The following ADCY1 variants were observed in gnomAD, a reference collection of about 807,000 sequenced individuals.
ADCY1 encodes adenylate cyclase type 1.
In ADCY1, 28 loss-of-function variants were observed where a neutral mutation model predicts 105.4. That is an observed-to-expected ratio of 0.27 (90% confidence interval 0.20 to 0.36). The LOEUF (loss-of-function observed/expected upper bound fraction) is 0.36, where lower values mean the gene tolerates loss of function less well. Among genes scored for constraint, ADCY1 ranks in the 10% least tolerant of loss-of-function variants. ADCY1 has a pLI of 1.00. For missense variants in ADCY1, 977 were observed against 1,434.2 expected (o/e 0.68, Z 5.15); for synonymous variants, 655 against 623.8 (o/e 1.05, Z -0.75).
chr7:45,598,268 A>T (rs181988925), intron 2 of ADCY1, among the ~76,000 whole-genome samples: 4 of 152,360 alleles, frequency 2.6e-5, no homozygotes, highest in Admixed American at 2.6e-4. Flanking sequence ...CAAGGGAACC[A>T]CATGGCTGTT....
chr7:45,686,939 G>A lies in ADCY1; in HGVS notation c.2454+266G>A, dbSNP rs544766238. 2.0e-5 allele frequency among the ~76,000 whole-genome samples: 3 copies of A among 152,300 alleles called. No individual in the cohort carries two copies. The highest frequency in any genetic ancestry group is 3.9e-4 in the East Asian group (2 of 5,166). On this transcript the variant is annotated intron_variant, in intron 14 of 19. Transcript: ENST00000297323. The surrounding 1 kb of genome is among the most constrained non-coding windows in gnomAD (Gnocchi z 4.3). Reference sequence around the variant, plus strand: ...TGGAGACCTGCCTGATGGTCAGAGCGTGGCTCTTTCACGAGGCAGTGAGTC... The same window carrying A: ...TGGAGACCTGCCTGATGGTCAGAGCATGGCTCTTTCACGAGGCAGTGAGTC...
intron 16 of ADCY1, 35 bp from the exon 17 acceptor site, chr7:45,704,481 TTA>T (rs757229324): frequency 6.3e-7 from 1 of 1,592,974 alleles, no homozygotes; most frequent in South Asian, 1.1e-5. Context: ...TTCTCAAATG[TTA>T]TGTCATGTTT....
In ADCY1 at chr7:45,574,465, C is replaced by CCGG. The variant is rs1792254726; in HGVS notation, c.-76_-74dup. Reference sequence around the variant, plus strand: ...CCTCGCCGCCCGCCGCCCGCCCGCCCCGGCGCCGCCGCCCGCGCCCCGGCG... The same window carrying CCGG: ...CCTCGCCGCCCGCCGCCCGCCCGCCCCGGCGGCGCCGCCGCCCGCGCCCCGGCG... On this transcript the variant is annotated 5_prime_UTR_variant, in exon 1 of 20. Transcript: ENST00000297323. This position sits in a 1 kb window ranked among gnomAD's most constrained non-coding sequence, Gnocchi z 7.0. 1 of 248,476 alleles carries CCGG rather than the reference C, an allele frequency of 4.0e-6. No individual in the cohort carries two copies. Among genetic ancestry groups the CCGG allele is most frequent in the Non-Finnish European group, 6.2e-6 (1 of 160,938 alleles). 15.4% of individuals were successfully genotyped at this position (248,476 alleles called of 1,614,324 possible). A position where few individuals can be genotyped will look rare whatever the true frequency, so the allele number is the denominator to read the frequency against.
intron 14 of ADCY1, among the ~76,000 whole-genome samples, chr7:45,702,327 A>C (rs941132270): frequency 6.6e-6 from 1 of 152,162 alleles, no homozygotes; most frequent in African/African-American, 2.4e-5. Flanking sequence ...ATTTTACAAT[A>C]AGGAAACCAC....
In ADCY1 at chr7:45,713,929, G is replaced by T. The variant is rs776261848; in HGVS notation, c.3294G>T (p.Arg1098Ser). 2.6e-6 allele frequency: 2 copies of T among 780,400 alleles called. No homozygotes were observed. The highest frequency in any genetic ancestry group is 1.7e-5 in the Admixed American group (1 of 59,032). The allele number at this position is 780,400 out of a possible 1,614,324, so 48.3% of individuals were successfully genotyped here. A position where few individuals can be genotyped will look rare whatever the true frequency, so the allele number is the denominator to read the frequency against. ...PVCPMPGVSV[R>S]AGLPPHSPGQ... ...GCCCCATGCCTGGCGTCTCAGTCAG[G>T]GCTGGGCTCCCTCCACACTCCCCAG... The change falls in exon 20 of 20, where the codon AGG becomes AGT. Residue 1098 changes from arginine (R) to serine (S), a missense_variant. Arg to Ser is a moderately radical substitution (Grantham distance 110). Coordinates refer to ENST00000297323, the MANE Select transcript of ADCY1 (RefSeq NM_021116.4).
Position 45,610,419 on chromosome 7 carries a change from T to C in ADCY1, c.830T>C (p.Met277Thr). The change falls in exon 3 of 20, where the codon ATG becomes ACG. Residue 277 changes from methionine to threonine, a missense_variant. Met to Thr is a moderately conservative substitution (Grantham distance 81, BLOSUM62 -1). This residue lies in a region of ADCY1 where 196 missense variants were observed against 347.8 expected (regional missense o/e 0.56). Coordinates refer to ENST00000297323, the MANE Select transcript of ADCY1 (RefSeq NM_021116.4). ...AGCCTCCTGCCCCGGAACGTTGCCA[T>C]GGAGATGAAGGAGGACTTCCTGAAG... ...LMSLLPRNVA[M>T]EMKEDFLKPP... 1 of 1,613,738 alleles carries C rather than the reference T, an allele frequency of 6.2e-7. No individual in the cohort carries two copies.
chr7:45,670,275 G>A (rs2471261), intron 8 of ADCY1, among the ~76,000 whole-genome samples: 151,425 of 152,276 alleles, frequency 0.99, 75,293 homozygotes, highest in East Asian at 1. Flanking sequence ...ACTGAAGGAC[G>A]GCTACCTTCC....
At chr7:45,658,581 G>A (rs77420778) in intron 6 of ADCY1, among the ~76,000 whole-genome samples, 5,540 of 152,308 alleles carry the variant, frequency 0.036, 118 homozygotes, top group East Asian at 0.06. Flanking sequence ...CAGTGTGCCC[G>A]GGGCTCAGCA....
intron 1 of ADCY1, among the ~76,000 whole-genome samples, chr7:45,580,660 G>T (rs1010124991): frequency 1.1e-4 from 17 of 152,206 alleles, no homozygotes; most frequent in Non-Finnish European, 1.6e-4. Flanking sequence ...CAGGATCACT[G>T]GACCAAGCAC....
chr7:45,654,788 A>G (rs1794895645), intron 5 of ADCY1, among the ~76,000 whole-genome samples: 1 of 152,154 alleles, frequency 6.6e-6, no homozygotes, highest in Non-Finnish European at 1.5e-5. Flanking sequence ...GGTTTTCCCT[A>G]AAATTTTAGG....
chr7:45,687,977 C>T (rs1415732849), intron 14 of ADCY1, among the ~76,000 whole-genome samples: 1 of 152,208 alleles, frequency 6.6e-6, no homozygotes, highest in Non-Finnish European at 1.5e-5. Context: ...CAGGAGGAAG[C>T]GTGGCCAGGA....
chr7:45,698,450 C>G (rs1227273992), intron 14 of ADCY1, among the ~76,000 whole-genome samples: 1 of 152,156 alleles, frequency 6.6e-6, no homozygotes. Context: ...TTCATCTGTT[C>G]TATGCTAAAA....
At position 45,635,787 on chromosome 7, in the gene ADCY1, G is replaced by A. The variant is rs145428697; in HGVS notation, c.1021-12883G>A. 2.7e-3 allele frequency among the ~76,000 whole-genome samples: 417 copies of A among 151,782 alleles called. 1 individual carries two copies. The highest frequency in any genetic ancestry group is 9.9e-3 in the African/African-American group (409 of 41,432). On this transcript the variant is annotated intron_variant, in intron 4 of 19. Coordinates refer to ENST00000297323, the MANE Select transcript of ADCY1 (RefSeq NM_021116.4). ...GAATATGGCTTACTTTGGTGGTTTAGTGCTCTGATTTTGTAGAATTCTGTT... is the reference window on the plus strand; with the variant it reads ...GAATATGGCTTACTTTGGTGGTTTAATGCTCTGATTTTGTAGAATTCTGTT...
intron 4 of ADCY1, among the ~76,000 whole-genome samples, chr7:45,641,874 C>T (rs1051975942): frequency 3.8e-5 from 5 of 129,950 alleles, no homozygotes; most frequent in Admixed American, 1.6e-4. Context: ...TGCAGTGAGC[C>T]GAGATTGCGC....
intron 1 of ADCY1, among the ~76,000 whole-genome samples, chr7:45,585,556 T>C (rs1792697986): frequency 6.6e-6 from 1 of 151,720 alleles, no homozygotes; most frequent in Non-Finnish European, 1.5e-5. Flanking sequence ...TGATTCTCCT[T>C]CCTTGGCCTA....
intron 2 of ADCY1, among the ~76,000 whole-genome samples, chr7:45,607,405 CAGG>C (rs1793405788): frequency 6.6e-6 from 1 of 152,138 alleles, no homozygotes; most frequent in African/African-American, 2.4e-5. Flanking sequence ...CCAACAACAG[CAGG>C]AGAAGAAGGG....
At chr7:45,622,924 C>T (rs1158503734) in intron 4 of ADCY1, among the ~76,000 whole-genome samples, 181 bp downstream of exon 4, 1 of 152,202 alleles carries the variant, frequency 6.6e-6, no homozygotes, top group African/African-American at 2.4e-5. Context: ...TTTCCTTGAA[C>T]CGGAGCCTTG....
intron 1 of ADCY1, among the ~76,000 whole-genome samples, chr7:45,586,293 C>T (rs367663345): frequency 2.6e-5 from 4 of 152,102 alleles, no homozygotes; most frequent in Non-Finnish European, 4.4e-5. Context: ...GCACCAAAGA[C>T]GGCTGCTTCT....
chr7:45,678,053 G>A lies in ADCY1; in HGVS notation c.1790G>A (p.Arg597Gln), dbSNP rs370915655. ...FFTLKYKHVE[R>Q]EQKYHQLQDE... ...ACCCTGAAGTACAAACATGTCGAAC[G>A]GGAGCAAAAGGTAAGCAACTCTGGT... The change falls in exon 9 of 20, where the codon CGG becomes CAG. Residue 597 changes from arginine (R) to glutamine (Q), a missense_variant. Arg to Gln is a conservative substitution (Grantham distance 43, BLOSUM62 1). Around this residue, in one of 7 missense-constraint regions of ADCY1, gnomAD observed 275 missense variants for 362.1 expected, o/e 0.76. Transcript: ENST00000297323. The A allele has an allele frequency of 2.0e-5, 33 of 1,613,848 alleles. No individual in the cohort carries two copies. The highest frequency in any genetic ancestry group is 1.5e-4 in the Admixed American group (9 of 59,964).
Sources: allele counts gnomAD v4.1 joint callset (sites outside exome capture counted in the v4.1 genomes callset), GRCh38; gene constraint gnomAD v4.1.1; regional missense constraint gnomAD v4.1.1; non-coding constraint Gnocchi (gnomAD v3.1); transcripts MANE v1.5; gene names NCBI Gene and HGNC (gene_info 2026-07-23, HGNC 2026-07-21).